The following PRELID2 variants were observed in gnomAD, a reference collection of about 807,000 sequenced individuals.
PRELID2 encodes PRELI domain-containing protein 2.
PRELID2 carries 25 observed loss-of-function variants against 28.4 expected under a neutral mutation model. That is an observed-to-expected ratio of 0.88 (90% confidence interval 0.64 to 1.23). PRELID2 has a LOEUF of 1.23. Among genes scored for constraint, PRELID2 ranks in the 50% most tolerant of loss-of-function variants. The pLI is 0.00. For missense variants in PRELID2, 201 were observed against 214.4 expected, an observed-to-expected ratio of 0.94 and a Z score of 0.39; for synonymous variants, 76 against 71.6, an observed-to-expected ratio of 1.06 and a Z score of -0.31.
intron 1 of PRELID2, among the ~76,000 whole-genome samples, chr5:145,505,483 T>C (rs571033809): frequency 3.9e-5 from 6 of 152,160 alleles, no homozygotes; most frequent in South Asian, 2.1e-4. Context: ...TATAATAACC[T>C]CTCATCTGAT....
chr5:145,352,294 T>C, the PRELID2 span, among the ~76,000 whole-genome samples: 2 of 152,230 alleles, frequency 1.3e-5, no homozygotes, highest in African/African-American at 4.8e-5. Flanking sequence ...CTCTGAAATC[T>C]AGGCAGATGT....
chr5:145,374,625 C>G, the PRELID2 span, among the ~76,000 whole-genome samples: 1 of 152,056 alleles, frequency 6.6e-6, no homozygotes. Flanking sequence ...TCCAGTCAAT[C>G]ACAGCTTTGG....
the PRELID2 span, among the ~76,000 whole-genome samples, chr5:145,394,129 C>T: frequency 6.6e-6 from 1 of 152,216 alleles, no homozygotes. Flanking sequence ...GACACATGTA[C>T]ATGTATGTTT....
intron 1 of PRELID2, among the ~76,000 whole-genome samples, chr5:145,575,324 C>T (rs539979892): frequency 1.3e-5 from 2 of 152,300 alleles, no homozygotes; most frequent in Non-Finnish European, 2.9e-5. Context: ...GGACTCAATG[C>T]TCTAACCTGC....
the PRELID2 span, among the ~76,000 whole-genome samples, chr5:145,378,559 T>C: frequency 6.6e-6 from 1 of 152,178 alleles, no homozygotes; most frequent in African/African-American, 2.4e-5. Flanking sequence ...GAGATTCTTT[T>C]CTTTGCTTGG....
chr5:145,294,853 T>C, the PRELID2 span, among the ~76,000 whole-genome samples: 3 of 152,124 alleles, frequency 2.0e-5, no homozygotes, highest in Non-Finnish European at 4.4e-5. Flanking sequence ...CACTAAACTA[T>C]ACTGGCCTCA....
At chr5:145,606,759 T>C (rs1399428581) in intron 1 of PRELID2, among the ~76,000 whole-genome samples, 1 of 152,178 alleles carries the variant, frequency 6.6e-6, no homozygotes, top group African/African-American at 2.4e-5. Context: ...GGTTTTGCTA[T>C]CAGGATGATG....
intron 1 of PRELID2, among the ~76,000 whole-genome samples, chr5:145,477,376 C>T (rs371656032): frequency 2.0e-5 from 3 of 152,180 alleles, no homozygotes; most frequent in East Asian, 1.9e-4. Context: ...CACATCCTAT[C>T]CTATCCTATG....
chr5:145,740,941 CAT>C (rs1756693752), intron 1 of PRELID2, among the ~76,000 whole-genome samples: 1 of 79,078 alleles, frequency 1.3e-5, no homozygotes, highest in Non-Finnish European at 2.2e-5. Context: ...TATATATGTA[CAT>C]ATATTTATCT....
At chr5:145,627,536 C>A (rs1316353450) in intron 1 of PRELID2, among the ~76,000 whole-genome samples, 3 of 152,166 alleles carry the variant, frequency 2.0e-5, no homozygotes, top group Admixed American at 6.5e-5. Context: ...TCTCTCACAA[C>A]TGCCAACCCT....
the PRELID2 span, among the ~76,000 whole-genome samples, chr5:145,406,089 A>G: frequency 1.3e-5 from 2 of 152,016 alleles, no homozygotes; most frequent in Admixed American, 1.3e-4. Context: ...TTGTTAAACC[A>G]TTTATGAGCA....
intron 1 of PRELID2, among the ~76,000 whole-genome samples, chr5:145,634,254 A>G (rs186103189): frequency 1.0e-3 from 155 of 152,252 alleles, no homozygotes; most frequent in Non-Finnish European, 2.0e-3. Context: ...TCTTTCTAAA[A>G]TACAAACATC....
intron 1 of PRELID2, among the ~76,000 whole-genome samples, chr5:145,479,614 C>T (rs551037173): frequency 4.6e-5 from 7 of 152,150 alleles, no homozygotes; most frequent in Non-Finnish European, 1.0e-4. Flanking sequence ...CTGAGCACTG[C>T]GCCTGGTGCA....
At chr5:145,397,865 A>G in the PRELID2 span, among the ~76,000 whole-genome samples, 2 of 152,300 alleles carry the variant, frequency 1.3e-5, no homozygotes, top group East Asian at 3.9e-4. Flanking sequence ...TCTGAGAACC[A>G]CCAAATGTAG....
At chr5:145,693,294 T>C (rs2149697146) in intron 1 of PRELID2, among the ~76,000 whole-genome samples, 2 of 151,954 alleles carry the variant, frequency 1.3e-5, no homozygotes, top group Middle Eastern at 6.8e-3. Context: ...ACCACAGATG[T>C]ATGCCACGAC....
At chr5:145,337,608 A>C in the PRELID2 span, among the ~76,000 whole-genome samples, 1 of 150,364 alleles carries the variant, frequency 6.7e-6, no homozygotes, top group African/African-American at 2.4e-5. Context: ...AACTCAGGTA[A>C]ACACATTCAC....
intron 1 of PRELID2, among the ~76,000 whole-genome samples, chr5:145,654,971 AG>A (rs1754368126): frequency 6.6e-6 from 1 of 152,114 alleles, no homozygotes; most frequent in Non-Finnish European, 1.5e-5. Context: ...CCCTGTTTGC[AG>A]ATGACATGAC....
intron 1 of PRELID2, among the ~76,000 whole-genome samples, chr5:145,524,314 G>T (rs1029711556): frequency 3.7e-4 from 56 of 152,196 alleles, no homozygotes; most frequent in African/African-American, 1.3e-3. Context: ...CTTCTCATTA[G>T]TATGGAGTGC....
intron 1 of PRELID2, among the ~76,000 whole-genome samples, chr5:145,749,006 C>T (rs1183047814): frequency 6.6e-6 from 1 of 151,928 alleles, no homozygotes; most frequent in African/African-American, 2.4e-5. Context: ...ATGTAAAACC[C>T]CAAACCAAAA....
Sources: allele counts gnomAD v4.1 joint callset (sites outside exome capture counted in the v4.1 genomes callset), GRCh38; gene constraint gnomAD v4.1.1; transcripts MANE v1.5; gene names NCBI Gene and HGNC (gene_info 2026-07-23, HGNC 2026-07-21).